The following ADARB2 variants were observed in gnomAD, a reference collection of about 807,000 sequenced individuals.
ADARB2 encodes inactive double-stranded RNA-specific editase B2.
ADARB2 carries 25 observed loss-of-function variants against 62.2 expected under a neutral mutation model. That is an observed-to-expected ratio of 0.40 (90% CI 0.29 to 0.56). The LOEUF (loss-of-function observed/expected upper bound fraction) is 0.56. Among genes scored for constraint, ADARB2 ranks in the 20% least tolerant of loss-of-function variants. The pLI is 0.43. For missense variants in ADARB2, 1,071 were observed against 1,077.4 expected (o/e 0.99, Z 0.08); for synonymous variants, 572 against 500.8 (o/e 1.14, Z -1.90).
At chr10:1,733,829 G>A (rs1054981661) in intron 1 of ADARB2, among the ~76,000 whole-genome samples, 8 of 152,124 alleles carry the variant, frequency 5.3e-5, no homozygotes, top group Non-Finnish European at 7.4e-5. Context: ...ATGAACTCCA[G>A]GGGTATTTAG....
intron 9 of ADARB2, among the ~76,000 whole-genome samples, chr10:1,184,299 T>A (rs1291496336): frequency 6.6e-6 from 1 of 152,218 alleles, no homozygotes; most frequent in East Asian, 1.9e-4. Context: ...GGTTACAGTC[T>A]ATGCTTTGGA....
At chr10:1,697,011 G>A (rs773140525) in intron 1 of ADARB2, among the ~76,000 whole-genome samples, 29 of 151,896 alleles carry the variant, frequency 1.9e-4, no homozygotes, top group African/African-American at 1.5e-4. Flanking sequence ...TAATGTTAGT[G>A]TATTTTATGT....
At chr10:1,440,137 C>T (rs1484917164) in intron 1 of ADARB2, among the ~76,000 whole-genome samples, 1 of 147,526 alleles carries the variant, frequency 6.8e-6, no homozygotes, top group Non-Finnish European at 1.5e-5. Flanking sequence ...CCTGAGTCTC[C>T]CCCAGGACAG....
At chr10:1,212,524 G>A (rs937187583) in intron 7 of ADARB2, among the ~76,000 whole-genome samples, 11 of 152,178 alleles carry the variant, frequency 7.2e-5, no homozygotes, top group African/African-American at 2.7e-4. Flanking sequence ...GTCATTGTCG[G>A]GACCATGGCT....
chr10:1,441,969 A>G (rs1324919363), intron 1 of ADARB2, among the ~76,000 whole-genome samples: 3 of 152,228 alleles, frequency 2.0e-5, no homozygotes, highest in Non-Finnish European at 4.4e-5. Flanking sequence ...CCCAATTAAC[A>G]ATGAAGAAAC....
At chr10:1,434,203 A>C (rs1830808032) in intron 1 of ADARB2, among the ~76,000 whole-genome samples, 1 of 152,254 alleles carries the variant, frequency 6.6e-6, no homozygotes, top group South Asian at 2.1e-4. Flanking sequence ...AAGGCTGATA[A>C]CGAGAGATTT....
chr10:1,631,031 G>A (rs545788309), intron 1 of ADARB2, among the ~76,000 whole-genome samples: 72 of 152,142 alleles, frequency 4.7e-4, no homozygotes, highest in African/African-American at 1.7e-3. Flanking sequence ...AGAATTATGA[G>A]GGAAATACTT....
chr10:1,347,786 T>C (rs2131842282), intron 3 of ADARB2, among the ~76,000 whole-genome samples: 1 of 152,046 alleles, frequency 6.6e-6, no homozygotes, highest in Non-Finnish European at 1.5e-5. Flanking sequence ...GCACCCCCAG[T>C]GGACACCAGG....
intron 1 of ADARB2, among the ~76,000 whole-genome samples, chr10:1,522,220 G>T (rs11250581): frequency 6.6e-6 from 1 of 152,064 alleles, no homozygotes; most frequent in African/African-American, 2.4e-5. Flanking sequence ...AGTTCTCAGA[G>T]AGCCTCACGT....
intron 1 of ADARB2, among the ~76,000 whole-genome samples, chr10:1,661,257 G>A (rs562962924): frequency 2.0e-4 from 30 of 152,132 alleles, no homozygotes; most frequent in Admixed American, 7.9e-4. Context: ...CCCTGTCCCC[G>A]TCGTCACTTT....
chr10:1,482,422 G>A (rs534384364), intron 1 of ADARB2, among the ~76,000 whole-genome samples: 21 of 152,314 alleles, frequency 1.4e-4, no homozygotes, highest in East Asian at 9.6e-4. Flanking sequence ...GAGATGAGCC[G>A]GCCATGAAAG....
chr10:1,695,143 GC>G (rs1834723410), intron 1 of ADARB2, among the ~76,000 whole-genome samples: 1 of 152,184 alleles, frequency 6.6e-6, no homozygotes, highest in Non-Finnish European at 1.5e-5. Context: ...ACCACCAGCA[GC>G]CTCAGATGGT....
At chr10:1,267,358 G>A (rs1289197855) in intron 4 of ADARB2, among the ~76,000 whole-genome samples, 1 of 152,218 alleles carries the variant, frequency 6.6e-6, no homozygotes, top group Non-Finnish European at 1.5e-5. Flanking sequence ...TATTCACAAA[G>A]TTGATCTCCC....
At chr10:1,272,574 C>T (rs992040554) in intron 3 of ADARB2, among the ~76,000 whole-genome samples, 5 of 152,192 alleles carry the variant, frequency 3.3e-5, no homozygotes, top group Admixed American at 1.3e-4. Context: ...CCGCTGTAGC[C>T]TGTAAATGAT....
intron 1 of ADARB2, among the ~76,000 whole-genome samples, chr10:1,703,229 A>G (rs1301855861): frequency 3.3e-5 from 5 of 152,144 alleles, no homozygotes. Flanking sequence ...GGTGGAGGGC[A>G]TGGGCATAAA....
intron 1 of ADARB2, among the ~76,000 whole-genome samples, chr10:1,468,066 G>C (rs1831274772): frequency 6.6e-6 from 1 of 152,138 alleles, no homozygotes; most frequent in South Asian, 2.1e-4. Flanking sequence ...CCAATATGTT[G>C]TTTTTAATAT....
rs537008110 is a variant in ADARB2, at chr10:1,242,091, C to T, written c.1361+40G>A. 166 of 1,549,166 alleles carry T rather than the reference C, an allele frequency of 1.1e-4. No homozygotes were observed. The African/African-American group carries it at 1.5e-3, about 14-fold the overall frequency. On this transcript the variant is annotated intron_variant, in intron 5 of 9. Coordinates refer to ENST00000381312, the MANE Select transcript of ADARB2 (RefSeq NM_018702.4). ...TCTGCTCCCTGGCAGCCCCCAGCCGCGGCGTCCGCCTTCCCTGGAGCCCGT... is the reference window on the plus strand; with the variant it reads ...TCTGCTCCCTGGCAGCCCCCAGCCGTGGCGTCCGCCTTCCCTGGAGCCCGT...
chr10:1,362,009 A>G (rs1056422261), intron 3 of ADARB2, among the ~76,000 whole-genome samples: 62 of 152,266 alleles, frequency 4.1e-4, no homozygotes, highest in African/African-American at 1.4e-3. Context: ...AATTTGCATA[A>G]ATCAGCCATT....
chr10:1,225,555 G>T (rs4880489), intron 6 of ADARB2, among the ~76,000 whole-genome samples: 44,844 of 151,262 alleles, frequency 0.3, 7,503 homozygotes, highest in African/African-American at 0.46. Flanking sequence ...GGTACCGGTT[G>T]TTCCTTTCCA....
Sources: allele counts gnomAD v4.1 joint callset (sites outside exome capture counted in the v4.1 genomes callset), GRCh38; gene constraint gnomAD v4.1.1; transcripts MANE v1.5; gene names NCBI Gene and HGNC (gene_info 2026-07-23, HGNC 2026-07-21).